Variants in CHPF observed in about 807,000 individuals in gnomAD.
CHPF encodes chondroitin polymerizing factor.
In CHPF, 34 loss-of-function variants were observed where a neutral mutation model predicts 55.1. The observed-to-expected ratio is 0.62, with a 90% CI of 0.47 to 0.82. The LOEUF (loss-of-function observed/expected upper bound fraction) is 0.82. CHPF is among the 40% of genes least tolerant of loss of function. CHPF has a pLI of 0.00. For missense variants in CHPF, 961 were observed against 1,106.1 expected (o/e 0.87, Z 1.86); for synonymous variants, 489 against 496.6 (o/e 0.98, Z 0.20).
In CHPF at chr2:219,539,124, G is replaced by C; in HGVS notation, c.*259C>G. On this transcript the variant is annotated 3_prime_UTR_variant, in exon 4 of 4. Coordinates refer to ENST00000243776, the MANE Select transcript of CHPF (RefSeq NM_024536.6). ...CAGGCAGACTGTACTGCATAAATAC[G>C]TGGAGGCCACAGCCCGAATCAGCAG... 3.9e-6 allele frequency: 2 copies of C among 514,686 alleles called. No homozygotes were observed. The highest frequency in any genetic ancestry group is 6.9e-6 in the Non-Finnish European group (2 of 288,458). 31.9% of individuals were successfully genotyped at this position (514,686 alleles called of 1,614,324 possible).
At position 219,539,594 on chromosome 2, in the gene CHPF, T is replaced by C; in HGVS notation, c.2117A>G (p.Asp706Gly). The C allele has an allele frequency of 6.2e-7, 1 of 1,613,882 alleles. No homozygotes were observed. The highest frequency in any genetic ancestry group is 8.5e-7 in the Non-Finnish European group (1 of 1,179,964). Residue 706 changes from aspartate to glycine, a missense_variant, in exon 4 of 4, where the codon GAT becomes GGT. Physicochemically the swap from Asp to Gly is moderately conservative, Grantham distance 94. Coordinates refer to ENST00000243776, the MANE Select transcript of CHPF (RefSeq NM_024536.6). ...GAAGTGGAGGAACAGCTCGTACACA[T>C]CCAGGCTCTCCAGCAGCTCCTCTTC... ...EQEEELLESL[D>G]VYELFLHFSS... is the part of the protein sequence containing the mutation.
rs889758904 is a variant in CHPF, at chr2:219,543,384, G to A, written c.155C>T (p.Pro52Leu). The change falls in exon 1 of 4, where the codon CCG (proline) becomes CTG (leucine). Residue 52 changes from proline to leucine, a missense_variant. Physicochemically the swap from Pro to Leu is moderately conservative, Grantham distance 98. Around this residue, in one of 3 missense-constraint regions of CHPF, gnomAD observed 936 missense variants for 1,058.4 expected, o/e 0.88. Coordinates refer to ENST00000243776, the MANE Select transcript of CHPF (RefSeq NM_024536.6). ...GCGCGCCGCGTTGGTGTTGCCGCGC[G>A]GCGGCAGCTCAGAGTCTCCAGGTTG... is the stretch of plus-strand genomic sequence containing the variant. ...PPQPGDSELP[P>L]RGNTNAARRP... 5 of 1,559,878 alleles carry A rather than the reference G, an allele frequency of 3.2e-6. No individual in the cohort carries two copies. The African/African-American group carries it at 5.6e-5, about 18-fold the overall frequency.
rs1445891209 is a variant in CHPF, at chr2:219,541,676, G to A, written c.828C>T (p.Asp276=). 4.4e-6 allele frequency: 7 copies of A among 1,608,572 alleles called. No individual in the cohort carries two copies. Among genetic ancestry groups the A allele is most frequent in the East Asian group, 4.5e-5 (2 of 44,734 alleles). The change falls in exon 2 of 4, where the codon GAC becomes GAT. Residue 276 remains aspartate, a synonymous_variant. Transcript: ENST00000243776. ...CGAGAATGCAGCGACCCAGCCACTC[G>A]TCAGGGCGCGCACTGACGATGTCGT... ...CRNDIVSARP[D]EWLGRCILDA...
Position 219,540,008 on chromosome 2 carries a change from G to A in CHPF, c.1703C>T (p.Ala568Val). 3 of 1,613,574 alleles carry A rather than the reference G, an allele frequency of 1.9e-6. No individual in the cohort carries two copies. Among genetic ancestry groups the A allele is most frequent in the Non-Finnish European group, 2.5e-6 (3 of 1,179,956 alleles). The change falls in exon 4 of 4, where the codon GCC (alanine) becomes GTC (valine). Residue 568 changes from alanine (A) to valine (V), a missense_variant. By Grantham distance (64) the Ala-to-Val change is moderately conservative. This residue lies in a region of CHPF where 936 missense variants were observed against 1,058.4 expected (regional missense o/e 0.88). Coordinates refer to ENST00000243776, the MANE Select transcript of CHPF (RefSeq NM_024536.6). ...ACGCCGCTCCAGCTCTGCCACGTGG[G>A]CCTTGACAGGTGCGAAGACATCTGC... ...AHADVFAPVK[A>V]HVAELERRFP...
Position 219,543,635 on chromosome 2 carries a change from G to T in CHPF, c.-97C>A. On this transcript the variant is annotated 5_prime_UTR_variant, in exon 1 of 4. Transcript: ENST00000243776. ...ACCGGGGAGGGGGCGGATCCGGAGG[G>T]CTCGGGCCCCGCGGGCGGGCCCGCT... 1 of 995,528 alleles carries T rather than the reference G, an allele frequency of 1.0e-6. No individual in the cohort carries two copies. Among genetic ancestry groups the T allele is most frequent in the Non-Finnish European group, 1.3e-6 (1 of 756,428 alleles). The allele number at this position is 995,528 out of a possible 1,614,324, so 61.7% of individuals were successfully genotyped here.
At position 219,540,617 on chromosome 2, in the gene CHPF, A is replaced by G; in HGVS notation, c.1094T>C (p.Leu365Pro). 5 of 1,605,560 alleles carry G rather than the reference A, an allele frequency of 3.1e-6. No individual in the cohort carries two copies. The highest frequency in any genetic ancestry group is 4.3e-6 in the Non-Finnish European group (5 of 1,176,130). The change falls in exon 4 of 4, where the codon CTG becomes CCG. Residue 365 changes from leucine (L) to proline (P), a missense_variant. By Grantham distance (98) the Leu-to-Pro change is moderately conservative. Around this residue, in one of 3 missense-constraint regions of CHPF, gnomAD observed 936 missense variants for 1,058.4 expected, o/e 0.88. Transcript: ENST00000243776. ...AGCTGCCTGGTCCCCATCAACGGCCAGATGGCTGGTATTCTGGATCTCCCA... is the reference window on the plus strand; with the variant it reads ...AGCTGCCTGGTCCCCATCAACGGCCGGATGGCTGGTATTCTGGATCTCCCA... ...LQWEIQNTSH[L>P]AVDGDQAAAW...
intron 1 of CHPF, 114 bp from the exon 2 acceptor site, chr2:219,542,303 C>CT: frequency 1.3e-6 from 1 of 781,838 alleles, no homozygotes; most frequent in Non-Finnish European, 2.0e-6. Context: ...GTTCTCTCAC[C>CT]TATGAATAGG....
Position 219,539,987 on chromosome 2 carries a change from C to T in CHPF, c.1724G>A (p.Arg575Gln), listed in dbSNP as rs759752382. The T allele has an allele frequency of 2.9e-5, 47 of 1,613,584 alleles. No individual in the cohort carries two copies. Among genetic ancestry groups the T allele is most frequent in the Non-Finnish European group, 3.2e-5 (38 of 1,179,972 alleles). Reference protein sequence around the residue: ...PVKAHVAELERRFPGARVPWL... With the variant: ...PVKAHVAELEQRFPGARVPWL... ...TGGCACCCGGGCACCGGGGAAACGCCGCTCCAGCTCTGCCACGTGGGCCTT... is the reference window on the plus strand; with the variant it reads ...TGGCACCCGGGCACCGGGGAAACGCTGCTCCAGCTCTGCCACGTGGGCCTT... The change falls in exon 4 of 4, where the codon CGG becomes CAG. Residue 575 changes from arginine (R) to glutamine (Q), a missense_variant. Around this residue, in one of 3 missense-constraint regions of CHPF, gnomAD observed 936 missense variants for 1,058.4 expected, o/e 0.88. Coordinates refer to ENST00000243776, the MANE Select transcript of CHPF (RefSeq NM_024536.6).
Position 219,540,975 on chromosome 2 carries a change from G to A in CHPF, c.1039C>T (p.Arg347Cys), listed in dbSNP as rs759807246. ...HKAFARAELE[R>C]TYQEIQELQW... ...AACTCCTGGATCTCCTGGTACGTGC[G>A]TTCCAGTTCAGCTCGGGCGAAAGCT... The change falls in exon 3 of 4, where the codon CGC (arginine) becomes TGC (cysteine). Residue 347 changes from arginine to cysteine, a missense_variant. Physicochemically the swap from Arg to Cys is radical, Grantham distance 180. Coordinates refer to ENST00000243776, the MANE Select transcript of CHPF (RefSeq NM_024536.6). 6 of 1,613,996 alleles carry A rather than the reference G, an allele frequency of 3.7e-6. No individual in the cohort carries two copies. Among genetic ancestry groups the A allele is most frequent in the East Asian group, 2.2e-5 (1 of 44,882 alleles).
In CHPF at chr2:219,543,502, C is replaced by A; in HGVS notation, c.37G>T (p.Ala13Ser). 1 of 1,371,100 alleles carries A rather than the reference C, an allele frequency of 7.3e-7. No individual in the cohort carries two copies. Among genetic ancestry groups the A allele is most frequent in the Non-Finnish European group, 9.4e-7 (1 of 1,068,026 alleles). 84.9% of individuals were successfully genotyped at this position (1,371,100 alleles called of 1,614,324 possible). ...ASLLLSVLRP[A>S]GPVAVGISLG... ...GAGATGCCCACGGCCACGGGCCCTG[C>A]GGGCCGCAGCACCGACAGCAGCAGC... The change falls in exon 1 of 4, where the codon GCA becomes TCA. Residue 13 changes from alanine to serine, a missense_variant. By Grantham distance (99) the Ala-to-Ser change is moderately conservative. Around this residue, in one of 3 missense-constraint regions of CHPF, gnomAD observed 19 missense variants for 22.5 expected, o/e 0.85. Transcript: ENST00000243776.
In CHPF at chr2:219,539,443, G is replaced by A. The variant is rs767055542; in HGVS notation, c.2268C>T (p.Leu756=). 80 of 1,612,274 alleles carry A rather than the reference G, an allele frequency of 5.0e-5. No individual in the cohort carries two copies. In the Admixed American group the frequency reaches 7.3e-4, roughly 15 times the overall value. The change falls in exon 4 of 4, where the codon CTC becomes CTT. Residue 756 remains leucine (L), a synonymous_variant. Transcript: ENST00000243776. ...HRCLQSVLEG[L]GSRTQLAMLL... The stretch of plus-strand genomic sequence containing the variant: ...GCATGGCCAGCTGGGTTCGGGAGCC[G>A]AGGCCCTCAAGCACGCTCTGGAGGC...
rs1318354421 is a variant in CHPF, at chr2:219,539,876, A to G, written c.1835T>C (p.Leu612Pro). The change falls in exon 4 of 4, where the codon CTG (leucine) becomes CCG (proline). Residue 612 changes from leucine (L) to proline (P), a missense_variant. This residue lies in a region of CHPF where 936 missense variants were observed against 1,058.4 expected (regional missense o/e 0.88). Transcript: ENST00000243776. ...GAGCACCGTGTCTGGCCCGGCCAGC[A>G]GGAACAGTGTGTCCAGCGGGTGCTT... is the stretch of plus-strand genomic sequence containing the variant. ...SKKHPLDTLF[L>P]LAGPDTVLTP... is the part of the protein sequence containing the mutation. 6.2e-7 allele frequency: 1 copy of G among 1,613,730 alleles called. No individual in the cohort carries two copies. The highest frequency in any genetic ancestry group is 8.5e-7 in the Non-Finnish European group (1 of 1,180,022).
rs938036745 is a variant in CHPF at position 219,541,978 on chromosome 2, G to C, written c.526C>G (p.His176Asp). The C allele has an allele frequency of 1.2e-6, 2 of 1,609,614 alleles. No individual in the cohort carries two copies. The highest frequency in any genetic ancestry group is 1.7e-6 in the Non-Finnish European group (2 of 1,178,322). The change falls in exon 2 of 4, where the codon CAC becomes GAC. Residue 176 changes from histidine (H) to aspartate (D), a missense_variant. His to Asp is a moderately conservative substitution (Grantham distance 81). Transcript: ENST00000243776. ...VTLGEERPIG[H>D]LHLALRHLLE... Reference sequence around the variant, plus strand: ...AGGTGGCGCAGCGCCAGGTGCAGGTGTCCAATGGGTCGCTCCTCGCCTAGC... The same window carrying C: ...AGGTGGCGCAGCGCCAGGTGCAGGTCTCCAATGGGTCGCTCCTCGCCTAGC...
At position 219,540,021 on chromosome 2, in the gene CHPF, C is replaced by T. The variant is rs750009264; in HGVS notation, c.1690G>A (p.Ala564Thr). The change falls in exon 4 of 4, where the codon GCA becomes ACA. Residue 564 changes from alanine to threonine, a missense_variant. By Grantham distance (58) the Ala-to-Thr change is moderately conservative. Transcript: ENST00000243776. ...AQRVAHADVF[A>T]PVKAHVAELE... ...TCTGCCACGTGGGCCTTGACAGGTG[C>T]GAAGACATCTGCATGGGCCACGCGC... The T allele has an allele frequency of 8.1e-6, 13 of 1,613,308 alleles. No individual in the cohort carries two copies. The East Asian group carries it at 1.1e-4, about 14-fold the overall frequency.
In CHPF at chr2:219,543,807, T is replaced by A; in HGVS notation, c.-269A>T. The A allele has an allele frequency of 2.2e-6, 1 of 446,496 alleles. No individual in the cohort carries two copies. The highest frequency in any genetic ancestry group is 4.0e-6 in the Non-Finnish European group (1 of 251,554). 27.7% of individuals were successfully genotyped at this position (446,496 alleles called of 1,614,324 possible). A position where few individuals can be genotyped will look rare whatever the true frequency, so the allele number is the denominator to read the frequency against. On this transcript the variant is annotated 5_prime_UTR_variant, in exon 1 of 4. Coordinates refer to ENST00000243776, the MANE Select transcript of CHPF (RefSeq NM_024536.6). ...CGGCCGCAGCTGTCCGACGTGTCACTGCAAGGGCCCCGCCCCCGGGGTGGG... is the reference window on the plus strand; with the variant it reads ...CGGCCGCAGCTGTCCGACGTGTCACAGCAAGGGCCCCGCCCCCGGGGTGGG...
rs778802501 is a variant in CHPF, at chr2:219,543,315, C to T, written c.224G>A (p.Gly75Glu). ...ATTCTCCCCGGCGCCTTCGCCGGCC[C>T]CGGGCTTCTCGCGCTCCGCTCCGGG... ...VQPGAEREKP[G>E]AGEGAGENWE... The change falls in exon 1 of 4, where the codon GGG becomes GAG. Residue 75 changes from glycine to glutamate, a missense_variant. This residue lies in a region of CHPF where 936 missense variants were observed against 1,058.4 expected (regional missense o/e 0.88). Transcript: ENST00000243776. 2 of 1,573,758 alleles carry T rather than the reference C, an allele frequency of 1.3e-6. No homozygotes were observed. Among genetic ancestry groups the T allele is most frequent in the South Asian group, 2.3e-5 (2 of 88,118 alleles).
Position 219,540,993 on chromosome 2 carries a change from C to T in CHPF, c.1021G>A (p.Ala341Thr), listed in dbSNP as rs764663638. The change falls in exon 3 of 4, where the codon GCC becomes ACC. Residue 341 changes from alanine to threonine, a missense_variant. Physicochemically the swap from Ala to Thr is moderately conservative, Grantham distance 58. This residue lies in a region of CHPF where 936 missense variants were observed against 1,058.4 expected (regional missense o/e 0.88). Transcript: ENST00000243776. The stretch of plus-strand genomic sequence containing the variant: ...TACGTGCGTTCCAGTTCAGCTCGGG[C>T]GAAAGCTTTGTGCAGCTGGTACATG... ...VHMYQLHKAF[A>T]RAELERTYQE... 8.1e-6 allele frequency: 13 copies of T among 1,613,918 alleles called. No individual in the cohort carries two copies. The highest frequency in any genetic ancestry group is 7.7e-5 in the South Asian group (7 of 91,072).
chr2:219,543,686 G>T lies in CHPF; in HGVS notation c.-148C>A. 1.9e-6 allele frequency: 1 copy of T among 515,224 alleles called. No individual in the cohort carries two copies. The highest frequency in any genetic ancestry group is 3.1e-6 in the Non-Finnish European group (1 of 322,938). The allele number at this position is 515,224 out of a possible 1,614,324, so 31.9% of individuals were successfully genotyped here. A position where few individuals can be genotyped will look rare whatever the true frequency, so the allele number is the denominator to read the frequency against. The stretch of plus-strand genomic sequence containing the variant: ...CCCTCCCCGCAGAGCAGAGCCAGCG[G>T]CCCGAGCCGAATCCCCGGAGCCGCG... On this transcript the variant is annotated 5_prime_UTR_variant, in exon 1 of 4. Coordinates refer to ENST00000243776, the MANE Select transcript of CHPF (RefSeq NM_024536.6).
In CHPF at chr2:219,540,042, C is replaced by G. The variant is rs533280206; in HGVS notation, c.1669G>C (p.Val557Leu). ...LLYEPRQAQR[V>L]AHADVFAPVK... ...GGTGCGAAGACATCTGCATGGGCCA[C>G]GCGCTGGGCCTGGCGCGGCTCATAC... The change falls in exon 4 of 4, where the codon GTG (valine) becomes CTG (leucine). Residue 557 changes from valine to leucine, a missense_variant. Physicochemically the swap from Val to Leu is conservative, Grantham distance 32. Coordinates refer to ENST00000243776, the MANE Select transcript of CHPF (RefSeq NM_024536.6). 22 of 1,612,376 alleles carry G rather than the reference C, an allele frequency of 1.4e-5. No homozygotes were observed. Among genetic ancestry groups the G allele is most frequent in the Non-Finnish European group, 9.3e-6 (11 of 1,179,472 alleles).
Sources: gnomAD v4.1 joint callset for allele counts on GRCh38, gnomAD v4.1.1 for gene constraint, gnomAD v4.1.1 regional missense constraint, MANE v1.5 for transcripts, NCBI Gene and HGNC (gene_info 2026-07-23, HGNC 2026-07-21) for gene names.